The following KIR3DL1 variants were observed in gnomAD, a reference collection of about 807,000 sequenced individuals.
KIR3DL1 encodes killer cell immunoglobulin-like receptor 3DL1.
A neutral mutation model predicts 40.3 loss-of-function variants in KIR3DL1; 50 were observed. The observed-to-expected ratio is 1.24, with a 90% CI of 0.99 to 1.57. KIR3DL1 has a LOEUF of 1.57. Among genes scored for constraint, KIR3DL1 ranks in the 40% most tolerant of loss-of-function variants. KIR3DL1 has a pLI of 0.00. For synonymous variants in KIR3DL1, 257 were observed against 207.2 expected (o/e 1.24, Z -2.07); for missense variants, 661 against 559.9 (o/e 1.18, Z -1.82).
chr19:54,823,562 A>G (rs1180037798), intron 5 of KIR3DL1, among the ~76,000 whole-genome samples: 1 of 151,230 alleles, frequency 6.6e-6, no homozygotes, highest in African/African-American at 2.4e-5. Flanking sequence ...CAAGGGTGTG[A>G]TCTCAGCTCA....
chr19:54,830,363 T>C, exon 9 of KIR3DL1: 1 of 1,380,896 alleles, frequency 7.2e-7, no homozygotes, highest in East Asian at 2.4e-5. Context: ...TACCAGCAGC[T>C]GGAATCTGAA....
At position 54,818,353 on chromosome 19, in the gene KIR3DL1, G is replaced by T; in HGVS notation, c.109G>T (p.Ala37Ser). The T allele has an allele frequency of 1.2e-6, 2 of 1,603,234 alleles. 1 individual carries two copies. Among genetic ancestry groups the T allele is most frequent in the South Asian group, 2.2e-5 (2 of 90,308 alleles). Residue 37 changes from alanine (A) to serine (S), a missense_variant, in exon 3 of 9, where the codon GCT becomes TCT. By Grantham distance (99) the Ala-to-Ser change is moderately conservative (BLOSUM62 1). This residue lies in a region of KIR3DL1 where 548 missense variants were observed against 413.3 expected (regional missense o/e 1.33). Transcript: ENST00000391728. Reference sequence around the variant, plus strand: ...ACCCTTCCTGTCTGCCTGGCCCAGCGCTGTGGTGCCTCGAGGAGGACACGT... The same window carrying T: ...ACCCTTCCTGTCTGCCTGGCCCAGCTCTGTGGTGCCTCGAGGAGGACACGT...
At chr19:54,816,713 A>G (rs2061350480) in intron 1 of KIR3DL1, among the ~76,000 whole-genome samples, 179 bp downstream of exon 1, 1 of 123,134 alleles carries the variant, frequency 8.1e-6, no homozygotes, top group East Asian at 2.4e-4. Flanking sequence ...CCTGGGGTGG[A>G]GATATGTGCC....
At chr19:54,830,239 T>C in exon 9 of KIR3DL1, 1 of 1,524,458 alleles carries the variant, frequency 6.6e-7, no homozygotes, top group Non-Finnish European at 8.9e-7. Context: ...AACTTCCAAA[T>C]GCTAAGCCCA....
At position 54,830,142 on chromosome 19, in the gene KIR3DL1, T is replaced by G; in HGVS notation, c.1202T>G (p.Leu401Trp). 6.6e-7 allele frequency: 1 copy of G among 1,524,408 alleles called. No individual in the cohort carries two copies. Among genetic ancestry groups the G allele is most frequent in the Non-Finnish European group, 8.9e-7 (1 of 1,122,882 alleles). The allele number at this position is 1,524,408 out of a possible 1,614,324, so 94.4% of individuals were successfully genotyped here. A position where few individuals can be genotyped will look rare whatever the true frequency, so the allele number is the denominator to read the frequency against. ...CCTGAGGAGGTGACATACGCACAGT[T>G]GGATCACTGCGTTTTCACACAGAGA... Residue 401 changes from leucine to tryptophan, a missense_variant, in exon 9 of 9, where the codon TTG (leucine) becomes TGG (tryptophan). Leu to Trp is a moderately conservative substitution (Grantham distance 61, BLOSUM62 -2). Transcript: ENST00000391728.
intron 6 of KIR3DL1, among the ~76,000 whole-genome samples, chr19:54,828,363 C>A (rs2062019338): frequency 6.6e-6 from 1 of 151,410 alleles, no homozygotes; most frequent in African/African-American, 2.4e-5. Context: ...TAAACACCTC[C>A]TGGACTGCAC....
At chr19:54,820,370 C>T (rs665101) in intron 4 of KIR3DL1, among the ~76,000 whole-genome samples, 28,316 of 151,302 alleles carry the variant, frequency 0.19, 3,178 homozygotes, top group South Asian at 0.32. Flanking sequence ...ACAAAGTGTT[C>T]CTACCAGAAG....
In KIR3DL1 at chr19:54,819,568, A is replaced by G. The variant is rs1172837289; in HGVS notation, c.356-145A>G. 4.7e-5 allele frequency: 46 copies of G among 976,156 alleles called. 1 individual carries two copies. The Admixed American group carries it at 1.1e-3, about 23-fold the overall frequency. The allele number at this position is 976,156 out of a possible 1,614,324, so 60.5% of individuals were successfully genotyped here. On this transcript the variant is annotated intron_variant, in intron 3 of 8. Transcript: ENST00000391728. ...GAAGACAGATGGAGGCACCTGCACC[A>G]GGGGATATGGGCACAGAAAAGACAC...
rs552810120 is a variant in KIR3DL1, at chr19:54,820,439, C to G, written c.655+427C>G. ...GGGCCCTGTGGCCTCAGGCCTTGTG[C>G]CACCTACAGATGCCGTGTTTATTCT... On this transcript the variant is annotated intron_variant, in intron 4 of 8. Transcript: ENST00000391728. 3.9e-3 allele frequency among the ~76,000 whole-genome samples: 597 copies of G among 151,592 alleles called. 16 individuals are homozygous for G. The highest frequency in any genetic ancestry group is 0.013 in the African/African-American group (547 of 41,128).
At chr19:54,827,916 A>G (rs2061990133) in intron 6 of KIR3DL1, among the ~76,000 whole-genome samples, 1 of 149,940 alleles carries the variant, frequency 6.7e-6, no homozygotes, top group Non-Finnish European at 1.5e-5. Flanking sequence ...CCTACTTCCA[A>G]TCACCTGTGG....
intron 6 of KIR3DL1, 48 bp downstream of exon 6, chr19:54,825,126 T>C: frequency 8.2e-7 from 1 of 1,223,980 alleles, no homozygotes; most frequent in Non-Finnish European, 1.2e-6. Flanking sequence ...CCTGGGGAGG[T>C]GGAAGCCTTG....
chr19:54,825,830 C>A lies in KIR3DL1; in HGVS notation c.1000+752C>A, dbSNP rs796361081. On this transcript the variant is annotated intron_variant, in intron 6 of 8. Coordinates refer to ENST00000391728, the Ensembl canonical transcript of KIR3DL1. ...GGCTCCCAGTTCCTTGGCTCCTGGT[C>A]CCCTTCCTCCTTCCTCAAAGCCCAC... 1.1e-4 allele frequency among the ~76,000 whole-genome samples: 16 copies of A among 150,930 alleles called. No individual in the cohort carries two copies. In the East Asian group the frequency reaches 2.3e-3, roughly 22 times the overall value.
chr19:54,828,318 T>A (rs375911762), intron 6 of KIR3DL1, among the ~76,000 whole-genome samples: 2 of 151,480 alleles, frequency 1.3e-5, no homozygotes, highest in Non-Finnish European at 2.9e-5. Context: ...ATTCGCTGTG[T>A]ATCAATCCCA....
At chr19:54,825,246 G>C (rs2295805) in intron 6 of KIR3DL1, among the ~76,000 whole-genome samples, 168 bp downstream of exon 6, 1 of 150,478 alleles carries the variant, frequency 6.6e-6, no homozygotes, top group East Asian at 1.9e-4. Flanking sequence ...CCACCAAAGG[G>C]CTCAGCGAAG....
chr19:54,817,057 T>C (rs1308282949), intron 1 of KIR3DL1, among the ~76,000 whole-genome samples: 2 of 122,970 alleles, frequency 1.6e-5, no homozygotes, highest in African/African-American at 6.5e-5. Flanking sequence ...GATCCTGGAG[T>C]GGAGATATGG....
rs925684963 is a variant in KIR3DL1, at chr19:54,829,049, G to A, written c.1001-312G>A. ...CGTCTCCTTGGGACAGCATTGATCTGTTCATGATGGATCCACCTCCATGAC... is the reference window on the plus strand; with the variant it reads ...CGTCTCCTTGGGACAGCATTGATCTATTCATGATGGATCCACCTCCATGAC... On this transcript the variant is annotated intron_variant, in intron 6 of 8. Transcript: ENST00000391728. 3.5e-5 allele frequency among the ~76,000 whole-genome samples: 5 copies of A among 143,040 alleles called. 1 individual carries two copies. In the Admixed American group the frequency reaches 3.6e-4, roughly 10 times the overall value. The allele number at this position is 143,040 out of a possible 152,430, so 93.8% of individuals were successfully genotyped here. A position where few individuals can be genotyped will look rare whatever the true frequency, so the allele number is the denominator to read the frequency against.
Position 54,819,624 on chromosome 19 carries a change from C to T in KIR3DL1, c.356-89C>T, listed in dbSNP as rs998644497. The stretch of plus-strand genomic sequence containing the variant: ...TGCAGAGAGGGAGGAGAGAGACAGA[C>T]ACGGGGAGGGGAACCCTCACTCATT... On this transcript the variant is annotated intron_variant, in intron 3 of 8. Transcript: ENST00000391728. The T allele has an allele frequency of 4.9e-5, 70 of 1,443,284 alleles. No homozygotes were observed. The African/African-American group carries it at 8.9e-4, about 18-fold the overall frequency. 89.4% of individuals were successfully genotyped at this position (1,443,284 alleles called of 1,614,324 possible). A position where few individuals can be genotyped will look rare whatever the true frequency, so the allele number is the denominator to read the frequency against.
chr19:54,827,685 T>C (rs1288154265), intron 6 of KIR3DL1, among the ~76,000 whole-genome samples: 3 of 150,500 alleles, frequency 2.0e-5, no homozygotes, highest in South Asian at 2.1e-4. Flanking sequence ...TGAATTCCCA[T>C]CATCATTTTT....
chr19:54,830,747 G>C (rs1401348280), exon 9 of KIR3DL1: 6 of 202,494 alleles, frequency 3.0e-5, no homozygotes, highest in African/African-American at 1.5e-4. Flanking sequence ...CAATGTAGCT[G>C]TCTCCTCTTC....
Sources: gnomAD v4.1 joint callset for allele counts (sites outside exome capture counted in the v4.1 genomes callset) on GRCh38, gnomAD v4.1.1 for gene constraint, gnomAD v4.1.1 regional missense constraint, MANE v1.5 for transcripts, NCBI Gene and HGNC (gene_info 2026-07-23, HGNC 2026-07-21) for gene names.